MTA3: variants seen among roughly 807,000 people sequenced by gnomAD.
MTA3 encodes the protein metastasis associated 1 family member 3, also known as metastasis-associated protein MTA3.
A neutral mutation model predicts 83.5 loss-of-function variants in MTA3; 34 were observed. The ratio of observed to expected loss-of-function variants is 0.41; its 90% CI spans 0.31 to 0.54. MTA3 has a LOEUF of 0.54. Among genes scored for constraint, MTA3 ranks in the 20% least tolerant of loss-of-function variants. The probability of loss-of-function intolerance (pLI) is 0.33; values close to 1 mark genes in which losing one functional copy is unlikely to be tolerated. For missense variants in MTA3, 761 were observed against 726.4 expected (o/e 1.05, Z -0.55); for synonymous variants, 303 against 252.7 (o/e 1.20, Z -1.89).
At chr2:42,534,004 A>T (rs1300316119) in intron 2 of MTA3, among the ~76,000 whole-genome samples, 6 of 152,116 alleles carry the variant, frequency 3.9e-5, no homozygotes, top group African/African-American at 1.4e-4. Flanking sequence ...GGCCCTAGCG[A>T]GATCTCCTGA....
At chr2:42,679,825 A>G (rs1290528741) in intron 8 of MTA3, among the ~76,000 whole-genome samples, 3 of 151,444 alleles carry the variant, frequency 2.0e-5, no homozygotes, top group Middle Eastern at 3.4e-3. Flanking sequence ...GTAATGAATT[A>G]GATGGCTGTG....
At chr2:42,625,889 C>G (rs538310909) in intron 4 of MTA3, among the ~76,000 whole-genome samples, 2 of 148,230 alleles carry the variant, frequency 1.3e-5, no homozygotes, top group East Asian at 3.9e-4. Flanking sequence ...TTATATTTAT[C>G]TTTTATGCTG....
At chr2:42,507,036 C>G (rs557805688) in intron 2 of MTA3, among the ~76,000 whole-genome samples, 1 of 152,276 alleles carries the variant, frequency 6.6e-6, no homozygotes, top group African/African-American at 2.4e-5. Context: ...TCCCGAGTAG[C>G]TGGAGTAGCA....
chr2:42,623,697 A>ATT (rs35112138), intron 4 of MTA3, among the ~76,000 whole-genome samples: 3,687 of 128,118 alleles, frequency 0.029, 135 homozygotes, highest in South Asian at 0.092. Flanking sequence ...GGTAGTTCAG[A>ATT]TTTTTTTTTT....
chr2:42,627,223 G>T (rs960085743), intron 4 of MTA3, among the ~76,000 whole-genome samples: 1 of 151,918 alleles, frequency 6.6e-6, no homozygotes, highest in Admixed American at 6.6e-5. Flanking sequence ...GACTGCAGGT[G>T]CTGGCCACCA....
chr2:42,703,629 G>A (rs866420845), intron 11 of MTA3: 18 of 152,322 alleles, frequency 1.2e-4, no homozygotes, highest in African/African-American at 4.1e-4. Context: ...GGTGGCTGAC[G>A]CCTGTAATTC....
At chr2:42,504,238 C>T (rs1674526346) in intron 2 of MTA3, among the ~76,000 whole-genome samples, 1 of 151,050 alleles carries the variant, frequency 6.6e-6, no homozygotes. Context: ...CCATGAACCA[C>T]ATTATTTTTT....
intron 1 of MTA3, chr2:42,570,004 A>G (rs1206289462): frequency 6.6e-6 from 1 of 151,772 alleles, no homozygotes; most frequent in African/African-American, 2.4e-5. Context: ...TGGACTGTGA[A>G]GCCTTTCTCC....
At chr2:42,616,083 A>T (rs111841265) in intron 4 of MTA3, among the ~76,000 whole-genome samples, 2 of 150,996 alleles carry the variant, frequency 1.3e-5, no homozygotes, top group African/African-American at 4.9e-5. Context: ...TTTTTGAGAC[A>T]TAGTTTCACT....
At chr2:42,720,268 C>T (rs1379760660) in intron 15 of MTA3, among the ~76,000 whole-genome samples, 4 of 151,954 alleles carry the variant, frequency 2.6e-5, no homozygotes, top group Non-Finnish European at 4.4e-5. Flanking sequence ...CTGCAAGCTC[C>T]GCCTCCCAGG....
Position 42,754,605 on chromosome 2 carries a change from T to A in MTA3, c.*1206T>A. On this transcript the variant is annotated 3_prime_UTR_variant, in exon 17 of 17. Transcript: ENST00000405094. ...TGAGCTCCCTGAGCAGATGTGAGGC[T>A]GGCAACTCCCCTGCCCTCTGTTTGC... 1 of 985,492 alleles carries A rather than the reference T, an allele frequency of 1.0e-6. No homozygotes were observed. The highest frequency in any genetic ancestry group is 1.2e-6 in the Non-Finnish European group (1 of 829,974). 61.0% of individuals were successfully genotyped at this position (985,492 alleles called of 1,614,324 possible). A position where few individuals can be genotyped will look rare whatever the true frequency, so the allele number is the denominator to read the frequency against.
intron 2 of MTA3, among the ~76,000 whole-genome samples, chr2:42,524,578 C>A (rs1414000337): frequency 6.7e-6 from 1 of 149,774 alleles, no homozygotes; most frequent in African/African-American, 2.5e-5. Context: ...CCCATCTCGG[C>A]CTCCCAAAGT....
At chr2:42,747,610 C>G (rs1669538498) in intron 16 of MTA3, among the ~76,000 whole-genome samples, 1 of 151,280 alleles carries the variant, frequency 6.6e-6, no homozygotes, top group Non-Finnish European at 1.5e-5. Flanking sequence ...AAGTTCCTGG[C>G]TGATAACGCC....
At chr2:42,739,086 C>A (rs951073285) in intron 16 of MTA3, among the ~76,000 whole-genome samples, 1 of 152,114 alleles carries the variant, frequency 6.6e-6, no homozygotes, top group Admixed American at 6.5e-5. Flanking sequence ...TGTCTGTCAC[C>A]CACACCTATT....
At chr2:42,510,825 C>A (rs1674865762) in intron 2 of MTA3, among the ~76,000 whole-genome samples, 1 of 152,128 alleles carries the variant, frequency 6.6e-6, no homozygotes, top group South Asian at 2.1e-4. Context: ...CCCACTCTGA[C>A]CCTTATCACA....
chr2:42,677,888 C>G (rs1382223443), intron 8 of MTA3, among the ~76,000 whole-genome samples: 1 of 152,202 alleles, frequency 6.6e-6, no homozygotes, highest in African/African-American at 2.4e-5. Flanking sequence ...CTCACACACA[C>G]AAATATCTTA....
chr2:42,643,112 C>G (rs909053336), intron 5 of MTA3, among the ~76,000 whole-genome samples: 3 of 141,958 alleles, frequency 2.1e-5, no homozygotes, highest in Admixed American at 1.5e-4. Context: ...TAAAATACAG[C>G]ACAGAATTTC....
At chr2:42,746,540 C>T (rs1330434897) in intron 16 of MTA3, among the ~76,000 whole-genome samples, 1 of 152,170 alleles carries the variant, frequency 6.6e-6, no homozygotes. Context: ...TGAGGGCTCT[C>T]CCAGTCCCAC....
chr2:42,595,301 G>A (rs1049623964), intron 3 of MTA3, among the ~76,000 whole-genome samples: 2 of 149,952 alleles, frequency 1.3e-5, no homozygotes, highest in Non-Finnish European at 3.0e-5. Flanking sequence ...TAGTAGAGAT[G>A]GGGTTTCACC....
Sources: allele counts gnomAD v4.1 joint callset (sites outside exome capture counted in the v4.1 genomes callset), GRCh38; gene constraint gnomAD v4.1.1; transcripts MANE v1.5; gene names NCBI Gene and HGNC (gene_info 2026-07-23, HGNC 2026-07-21).